TMEM114: variants seen among roughly 807,000 people sequenced by gnomAD.
TMEM114 encodes claudin-26.
Under a neutral mutation model 6.2 loss-of-function variants are expected in TMEM114, and 6 were observed. That is an observed-to-expected ratio of 0.97 (90% CI 0.53 to 1.91). The LOEUF is 1.91. TMEM114 is among the 40% of genes most tolerant of loss of function. TMEM114 has a pLI of 0.01. For missense variants in TMEM114, 218 were observed against 158.3 expected (o/e 1.38, Z -2.02); for synonymous variants, 104 against 73.0 (o/e 1.42, Z -2.16).
At chr16:8,554,278 G>A (rs896039863) in intron 2 of TMEM114, among the ~76,000 whole-genome samples, 6 of 152,130 alleles carry the variant, frequency 3.9e-5, no homozygotes, top group South Asian at 4.2e-4. Flanking sequence ...GGGTAGGGGC[G>A]GACAGAGTGG....
chr16:8,583,128 T>A (rs561155969), intron 2 of TMEM114, among the ~76,000 whole-genome samples: 1 of 152,188 alleles, frequency 6.6e-6, no homozygotes, highest in Non-Finnish European at 1.5e-5. Flanking sequence ...GAAGATTAAA[T>A]GAGTAGATAC....
intron 2 of TMEM114, among the ~76,000 whole-genome samples, chr16:8,576,739 G>T (rs1299778774): frequency 6.7e-6 from 1 of 150,296 alleles, no homozygotes; most frequent in Non-Finnish European, 1.5e-5. Flanking sequence ...AGGAAGGAAG[G>T]AAGGAAGGAA....
At chr16:8,559,699 A>G (rs1901137193) in intron 2 of TMEM114, among the ~76,000 whole-genome samples, 1 of 152,154 alleles carries the variant, frequency 6.6e-6, no homozygotes, top group Non-Finnish European at 1.5e-5. Flanking sequence ...CGATGTTCTA[A>G]CAGAATCCCC....
At chr16:8,584,864 G>C (rs750556152) in intron 2 of TMEM114, among the ~76,000 whole-genome samples, 2 of 148,544 alleles carry the variant, frequency 1.3e-5, no homozygotes, top group African/African-American at 2.5e-5. Context: ...GGAGGTTGCA[G>C]TGAGCCGAGA....
the TMEM114 span, among the ~76,000 whole-genome samples, chr16:8,531,175 T>C: frequency 1.3e-5 from 2 of 152,246 alleles, no homozygotes; most frequent in South Asian, 4.1e-4. Context: ...TAGTTACTTA[T>C]TACACAGTGC....
chr16:8,561,878 G>GAATGAGTGAGTGAGTGAATGAGTA (rs1567201780), intron 2 of TMEM114, among the ~76,000 whole-genome samples: 1 of 100,658 alleles, frequency 9.9e-6, no homozygotes, highest in African/African-American at 3.9e-5. Flanking sequence ...ATGAGTGAGT[G>GAATGAGTGAGTGAGTGAATGAGTA]AATGAGTGAG....
chr16:8,544,175 CA>C (rs1444096515), intron 2 of TMEM114, among the ~76,000 whole-genome samples: 1 of 152,178 alleles, frequency 6.6e-6, no homozygotes, highest in Non-Finnish European at 1.5e-5. Flanking sequence ...TTTATATAGG[CA>C]AGCTGCAAAG....
intron 2 of TMEM114, among the ~76,000 whole-genome samples, chr16:8,546,551 T>C (rs1047617358): frequency 3.3e-5 from 5 of 152,170 alleles, no homozygotes; most frequent in Non-Finnish European, 7.4e-5. Context: ...CCACTATCTC[T>C]AGCAATTGGT....
downstream of TMEM114, among the ~76,000 whole-genome samples, chr16:8,566,024 A>G (rs761013261): frequency 6.6e-6 from 1 of 152,258 alleles, no homozygotes; most frequent in Non-Finnish European, 1.5e-5. Context: ...AAAATGGATC[A>G]GAATAGAACA....
chr16:8,539,304 C>G (rs1473065974), intron 2 of TMEM114, among the ~76,000 whole-genome samples: 1 of 152,082 alleles, frequency 6.6e-6, no homozygotes, highest in African/African-American at 2.4e-5. Context: ...TCCTTTTCCT[C>G]TGAGAAGGGA....
chr16:8,554,019 C>T (rs1452931603), intron 2 of TMEM114, among the ~76,000 whole-genome samples: 3 of 152,056 alleles, frequency 2.0e-5, no homozygotes, highest in Non-Finnish European at 4.4e-5. Context: ...GCTGGGATTA[C>T]AGGCATGCGC....
Position 8,549,251 on chromosome 16 carries a change from G to A in TMEM114, n.213-11425C>T, listed in dbSNP as rs561791473. Among the ~76,000 whole-genome samples the A allele has an allele frequency of 2.0e-5, 3 of 146,506 alleles. No individual in the cohort carries two copies. In the South Asian group the frequency reaches 6.5e-4, roughly 32 times the overall value. ...GTGGTGGCTCACACCTATAATCCTA[G>A]CACTTTGGGAGGCCAAGGTGGGTGG... On this transcript the variant is annotated intron_variant and non_coding_transcript_variant, in intron 2 of 2. Coordinates refer to the TMEM114 transcript ENST00000623677.
chr16:8,564,702 T>G (rs1206511845), downstream of TMEM114, among the ~76,000 whole-genome samples: 2 of 148,406 alleles, frequency 1.3e-5, no homozygotes, highest in African/African-American at 2.5e-5. Flanking sequence ...AATGAGTGAG[T>G]GAGTGAATGA....
At chr16:8,530,490 T>A in the TMEM114 span, among the ~76,000 whole-genome samples, 1 of 151,594 alleles carries the variant, frequency 6.6e-6, no homozygotes, top group Non-Finnish European at 1.5e-5. Flanking sequence ...ATAGCTAATG[T>A]AGCCAATGGA....
chr16:8,526,955 C>A, the TMEM114 span, among the ~76,000 whole-genome samples: 3 of 152,280 alleles, frequency 2.0e-5, no homozygotes, highest in South Asian at 6.2e-4. Context: ...TGCCTGTAAT[C>A]CCAGCACTTT....
At chr16:8,572,024 C>T in intron 3 of TMEM114, 63 bp downstream of exon 3, 1 of 1,468,064 alleles carries the variant, frequency 6.8e-7, no homozygotes, top group Non-Finnish European at 9.0e-7. Flanking sequence ...AGGGTTCATA[C>T]ACAGTACCCA....
At chr16:8,548,214 C>A (rs1021013671) in intron 2 of TMEM114, among the ~76,000 whole-genome samples, 4 of 152,176 alleles carry the variant, frequency 2.6e-5, no homozygotes, top group Non-Finnish European at 4.4e-5. Flanking sequence ...AGCCTCTCCA[C>A]CCCTGGATTT....
At chr16:8,532,938 A>C (rs1900258337), downstream of TMEM114, among the ~76,000 whole-genome samples, 1 of 152,196 alleles carries the variant, frequency 6.6e-6, no homozygotes, top group African/African-American at 2.4e-5. Context: ...AAAGGAAAAA[A>C]AATAAAGAAA....
intron 2 of TMEM114, among the ~76,000 whole-genome samples, chr16:8,559,913 G>T (rs569279786): frequency 2.0e-5 from 3 of 152,318 alleles, no homozygotes; most frequent in Admixed American, 2.0e-4. Context: ...GGCTGAATGG[G>T]AGGCAGAAGT....
Sources: gnomAD v4.1 joint callset for allele counts (sites outside exome capture counted in the v4.1 genomes callset) on GRCh38, gnomAD v4.1.1 for gene constraint, MANE v1.5 for transcripts, NCBI Gene and HGNC (gene_info 2026-07-23, HGNC 2026-07-21) for gene names.